CSMD1: variants seen among roughly 807,000 people sequenced by gnomAD.
CSMD1 encodes CUB and Sushi multiple domains 1, also known as CUB and sushi domain-containing protein 1.
A neutral mutation model predicts 417.5 loss-of-function variants in CSMD1; 213 were observed. The ratio of observed to expected loss-of-function variants is 0.51; its 90% CI spans 0.46 to 0.57. The LOEUF (loss-of-function observed/expected upper bound fraction) is 0.57. Ranked by LOEUF, CSMD1 falls within the 20% of genes least tolerant of loss-of-function variation. CSMD1 has a pLI of 0.00. For missense variants in CSMD1, 6,923 were observed against 4,529.7 expected (o/e 1.53, Z -15.17); for synonymous variants, 2,862 against 1,736.8 (o/e 1.65, Z -16.11).
At position 2,955,710 on chromosome 8, in the gene CSMD1, A is replaced by G. The variant is rs1270022828; in HGVS notation, c.9873T>C (p.Leu3291=). ...ACACTAAGGTGTAGCCGAAAGTAGG[A>G]AGATCGATGGCTCTCACATCCGCGT... ...PAHADVRAID[L]PTFGYTLVYT... The change falls in exon 64 of 70, where the codon CTT becomes CTC. Residue 3291 remains leucine (L), a synonymous_variant. Coordinates refer to ENST00000635120, the MANE Select transcript of CSMD1 (RefSeq NM_033225.6). The G allele has an allele frequency of 2.5e-6, 4 of 1,613,942 alleles. No homozygotes were observed. The highest frequency in any genetic ancestry group is 3.4e-6 in the Non-Finnish European group (4 of 1,179,832).
chr8:4,022,167 T>C (rs945615744), intron 4 of CSMD1, among the ~76,000 whole-genome samples: 6 of 123,748 alleles, frequency 4.8e-5, no homozygotes, highest in Admixed American at 3.6e-4. Context: ...TATATTAATA[T>C]ATATGTATAT....
intron 3 of CSMD1, among the ~76,000 whole-genome samples, chr8:4,135,036 G>A (rs1050480100): frequency 3.3e-5 from 5 of 152,062 alleles, no homozygotes; most frequent in African/African-American, 1.2e-4. Context: ...TGAGAGGATA[G>A]ACCCCTTTCT....
intron 2 of CSMD1, among the ~76,000 whole-genome samples, chr8:4,634,464 G>A (rs926557706): frequency 1.3e-5 from 2 of 152,064 alleles, no homozygotes; most frequent in African/African-American, 2.4e-5. Context: ...AACTGTTTTG[G>A]TATTTCAGTT....
At chr8:4,609,123 G>A (rs963662786) in intron 2 of CSMD1, among the ~76,000 whole-genome samples, 8 of 152,338 alleles carry the variant, frequency 5.3e-5, no homozygotes, top group Admixed American at 3.9e-4. Flanking sequence ...ATACTCGCCA[G>A]ATGCGCTGGC....
chr8:3,828,230 A>G lies in CSMD1; in HGVS notation c.819-74188T>C, dbSNP rs992614913. Among the ~76,000 whole-genome samples, 3 of 152,200 alleles carry G rather than the reference A, an allele frequency of 2.0e-5. No homozygotes were observed. The East Asian group carries it at 5.8e-4, about 29-fold the overall frequency. ...CCTGGCTAGAAAAGACACTCTTATT[A>G]TCATGAAAAATAAATGACAACGTTA... On this transcript the variant is annotated intron_variant, in intron 5 of 69. Transcript: ENST00000635120.
At chr8:3,511,278 T>G (rs1415685035) in intron 10 of CSMD1, among the ~76,000 whole-genome samples, 3 of 151,578 alleles carry the variant, frequency 2.0e-5, no homozygotes, top group Non-Finnish European at 4.4e-5. Flanking sequence ...ATACCTAATG[T>G]AGATGACAGG....
intron 5 of CSMD1, among the ~76,000 whole-genome samples, chr8:3,944,930 C>G (rs1811122885): frequency 6.6e-6 from 1 of 152,142 alleles, no homozygotes; most frequent in African/African-American, 2.4e-5. Flanking sequence ...CTGTCTCTCA[C>G]TTTGTTATTC....
chr8:3,457,641 A>G (rs1171864148), intron 12 of CSMD1, among the ~76,000 whole-genome samples: 5 of 152,252 alleles, frequency 3.3e-5, no homozygotes, highest in Non-Finnish European at 5.9e-5. Context: ...AATGCAAAAT[A>G]TCATCCATTT....
intron 5 of CSMD1, among the ~76,000 whole-genome samples, chr8:3,770,800 C>A (rs995715548): frequency 5.9e-5 from 9 of 152,106 alleles, no homozygotes; most frequent in Non-Finnish European, 1.3e-4. Flanking sequence ...TATACTCTCT[C>A]AACCATTATA....
chr8:3,494,690 A>C, intron 10 of CSMD1, among the ~76,000 whole-genome samples: 1 of 69,862 alleles, frequency 1.4e-5, no homozygotes, highest in East Asian at 4.0e-4. Context: ...ATACATGAAT[A>C]TATAAATGAG....
At chr8:4,438,338 T>C (rs1462794416) in intron 2 of CSMD1, among the ~76,000 whole-genome samples, 1 of 152,220 alleles carries the variant, frequency 6.6e-6, no homozygotes, top group East Asian at 1.9e-4. Context: ...CTCCAGTCTC[T>C]GAACTCTGTC....
chr8:3,634,029 G>A (rs760277694), intron 7 of CSMD1, among the ~76,000 whole-genome samples: 8 of 150,992 alleles, frequency 5.3e-5, no homozygotes, highest in African/African-American at 1.5e-4. Flanking sequence ...TGGGATTACT[G>A]TCAGTGAAAT....
intron 3 of CSMD1, among the ~76,000 whole-genome samples, chr8:4,153,919 C>A (rs530749223): frequency 2.0e-5 from 3 of 152,344 alleles, no homozygotes; most frequent in East Asian, 3.9e-4. Context: ...ACCCAGCCAA[C>A]GAGGCACTGT....
chr8:3,039,290 CTTACT>C (rs1810909036), intron 50 of CSMD1, among the ~76,000 whole-genome samples: 2 of 126,748 alleles, frequency 1.6e-5, no homozygotes, highest in Non-Finnish European at 1.8e-5. Flanking sequence ...CCTTCTTTTC[CTTACT>C]TCCTTCCTCT....
At chr8:4,155,623 T>G (rs1585440355) in intron 3 of CSMD1, among the ~76,000 whole-genome samples, 2 of 152,218 alleles carry the variant, frequency 1.3e-5, no homozygotes, top group East Asian at 3.9e-4. Flanking sequence ...TGATTTTTTA[T>G]CACTCTTGGT....
At chr8:3,902,706 G>A (rs911528559) in intron 5 of CSMD1, among the ~76,000 whole-genome samples, 3 of 152,042 alleles carry the variant, frequency 2.0e-5, no homozygotes, top group South Asian at 2.1e-4. Flanking sequence ...CTGTGGACTG[G>A]TACCAGTCCA....
At chr8:3,931,520 T>A (rs1023462420) in intron 5 of CSMD1, among the ~76,000 whole-genome samples, 1 of 150,172 alleles carries the variant, frequency 6.7e-6, no homozygotes, top group Admixed American at 6.6e-5. Flanking sequence ...TCCAATTTCA[T>A]TGAATTACAG....
intron 1 of CSMD1, among the ~76,000 whole-genome samples, chr8:4,725,365 ATAATAG>A (rs1298938685): frequency 2.0e-5 from 3 of 152,202 alleles, no homozygotes; most frequent in Non-Finnish European, 2.9e-5. Flanking sequence ...AATTAATTAC[ATAATAG>A]TAATGTTGTT....
chr8:4,003,146 C>A (rs1171793571), intron 4 of CSMD1, among the ~76,000 whole-genome samples: 1 of 152,066 alleles, frequency 6.6e-6, no homozygotes, highest in African/African-American at 2.4e-5. Context: ...GTAGTCCCAA[C>A]ACTTTGGGAG....
Sources: allele counts gnomAD v4.1 joint callset (sites outside exome capture counted in the v4.1 genomes callset), GRCh38; gene constraint gnomAD v4.1.1; transcripts MANE v1.5; gene names NCBI Gene and HGNC (gene_info 2026-07-23, HGNC 2026-07-21).